Variants in EIF2AK4 observed in about 807,000 individuals in gnomAD.
EIF2AK4 encodes the protein eukaryotic translation initiation factor 2 alpha kinase 4, also known as eIF-2-alpha kinase GCN2.
In EIF2AK4, 139 loss-of-function variants were observed where a neutral mutation model predicts 211.1. The observed-to-expected ratio is 0.66, with a 90% CI of 0.57 to 0.76. The LOEUF is 0.76. Ranked by LOEUF, EIF2AK4 falls within the 30% of genes least tolerant of loss-of-function variation. The pLI is 0.00. For synonymous variants in EIF2AK4, 710 were observed against 751.3 expected (o/e 0.94, Z 0.90); for missense variants, 1,664 against 2,043.8 (o/e 0.81, Z 3.58).
At position 39,941,141 on chromosome 15, in the gene EIF2AK4, C is replaced by T. The variant is rs114461460; in HGVS notation, c.257+1524C>T. On this transcript the variant is annotated intron_variant, in intron 2 of 38. Transcript: ENST00000263791. ...AACCAAGAATCTCCCTGAACCCTGT[C>T]GTTTAGGGGTTTTTATGGAGGTTTC... Among the ~76,000 whole-genome samples the T allele has an allele frequency of 1.6e-3, 237 of 152,182 alleles. 2 individuals carry two copies. Among genetic ancestry groups the T allele is most frequent in the Middle Eastern group, 0.01 (3 of 294 alleles).
At chr15:39,962,801 A>C (rs1033619441) in intron 7 of EIF2AK4, among the ~76,000 whole-genome samples, 3 of 152,198 alleles carry the variant, frequency 2.0e-5, no homozygotes, top group African/African-American at 7.2e-5. Flanking sequence ...GCTCATACTA[A>C]AGTCAAGTTT....
At chr15:39,985,714 G>A (rs889847717) in intron 13 of EIF2AK4, 91 bp from the exon 14 acceptor site, 6 of 1,213,532 alleles carry the variant, frequency 4.9e-6, no homozygotes, top group Non-Finnish European at 7.2e-6. Flanking sequence ...GTGGCCCTGT[G>A]TTGGGGGTGG....
At chr15:40,006,678 T>C (rs945508744) in intron 23 of EIF2AK4, among the ~76,000 whole-genome samples, 9 of 152,306 alleles carry the variant, frequency 5.9e-5, no homozygotes, top group African/African-American at 2.2e-4. Context: ...TTTAAATTCA[T>C]AAATAAATAA....
chr15:39,949,376 G>A (rs2140902308), intron 4 of EIF2AK4, 108 bp downstream of exon 4: 1 of 1,465,618 alleles, frequency 6.8e-7, no homozygotes, highest in South Asian at 1.4e-5. Flanking sequence ...GTTTTGCTCA[G>A]CCTTTGATTC....
chr15:40,027,431 T>G (rs2035478662), intron 33 of EIF2AK4, among the ~76,000 whole-genome samples: 1 of 152,202 alleles, frequency 6.6e-6, no homozygotes, highest in African/African-American at 2.4e-5. Flanking sequence ...CCTTCAAGAT[T>G]CTCTAGACCA....
At chr15:39,944,114 A>G (rs1193633629) in intron 3 of EIF2AK4, among the ~76,000 whole-genome samples, 2 of 152,162 alleles carry the variant, frequency 1.3e-5, no homozygotes, top group Non-Finnish European at 2.9e-5. Flanking sequence ...CCCTTTGCAT[A>G]TCAGAGGAAT....
chr15:39,967,706 G>A lies in EIF2AK4; in HGVS notation c.1380G>A (p.Glu460=). ...LADICKEDVF[E]QTRVRFSDNA... is the part of the protein sequence containing the mutation. ...ACATTTGCAAGGAGGATGTGTTTGA[G>A]CAAACCCGAGTTCGTTTTAGTGACA... is the stretch of plus-strand genomic sequence containing the variant. Residue 460 remains glutamate (E), a synonymous_variant, in exon 9 of 39, where the codon GAG becomes GAA. Transcript: ENST00000263791. The A allele has an allele frequency of 2.5e-6, 4 of 1,614,202 alleles. No homozygotes were observed. Among genetic ancestry groups the A allele is most frequent in the Non-Finnish European group, 3.4e-6 (4 of 1,180,032 alleles).
intron 7 of EIF2AK4, 79 bp downstream of exon 7, chr15:39,961,978 T>C (rs2034479385): frequency 6.2e-6 from 7 of 1,129,700 alleles, no homozygotes; most frequent in Non-Finnish European, 9.3e-6. Flanking sequence ...GATTAGACAC[T>C]GTGTCATTCA....
chr15:39,977,261 G>A (rs1390565316), intron 12 of EIF2AK4: 1 of 161,632 alleles, frequency 6.2e-6, no homozygotes, highest in Non-Finnish European at 1.3e-5. Context: ...TTCCACAGAC[G>A]GGTGTTAGGG....
At chr15:39,988,351 G>A (rs2034895515) in intron 15 of EIF2AK4, among the ~76,000 whole-genome samples, 1 of 152,220 alleles carries the variant, frequency 6.6e-6, no homozygotes, top group Non-Finnish European at 1.5e-5. Context: ...TCAGCAAACT[G>A]TGGCCCACAG....
intron 27 of EIF2AK4, among the ~76,000 whole-genome samples, chr15:40,012,489 A>G (rs1032221109): frequency 2.6e-5 from 4 of 152,242 alleles, no homozygotes; most frequent in Admixed American, 2.0e-4. Flanking sequence ...ATGAAGGACA[A>G]TATACAGTAT....
intron 4 of EIF2AK4, among the ~76,000 whole-genome samples, chr15:39,949,974 A>G (rs1003765572): frequency 6.6e-6 from 1 of 151,988 alleles, no homozygotes; most frequent in African/African-American, 2.4e-5. Flanking sequence ...CAAAGATAAT[A>G]TATGCAACTA....
rs532554239 is a variant in EIF2AK4, at chr15:39,951,662, G to A, written c.514-2242G>A. 21 of 213,716 alleles carry A rather than the reference G, an allele frequency of 9.8e-5. No individual in the cohort carries two copies. The East Asian group carries it at 2.5e-3, about 26-fold the overall frequency. The allele number at this position is 213,716 out of a possible 1,614,324, so 13.2% of individuals were successfully genotyped here. On this transcript the variant is annotated intron_variant, in intron 4 of 38. Transcript: ENST00000263791. ...CCACAGTACCAGGCCTGAAATGATC[G>A]GTTTCTTCACTCCTCCAGTAGAAGG...
intron 33 of EIF2AK4, among the ~76,000 whole-genome samples, chr15:40,027,671 A>G (rs1410008076): frequency 6.6e-6 from 1 of 152,190 alleles, no homozygotes; most frequent in Admixed American, 6.5e-5. Context: ...AGGGGGGATC[A>G]TGAGGTCAGG....
At chr15:39,968,891 T>TATATATATATATAC (rs139536340) in intron 9 of EIF2AK4, among the ~76,000 whole-genome samples, 104 of 149,212 alleles carry the variant, frequency 7.0e-4, no homozygotes, top group African/African-American at 2.5e-3. Flanking sequence ...TATATATATA[T>TATATATATATATAC]ACACACACAT....
chr15:40,007,903 C>G (rs2035182531), intron 24 of EIF2AK4, 124 bp from the exon 25 acceptor site: 4 of 712,412 alleles, frequency 5.6e-6, no homozygotes, highest in Non-Finnish European at 8.5e-6. Context: ...GTCTTTCAGT[C>G]CTCTTGATCA....
At chr15:40,007,946 C>T (rs1259522860) in intron 24 of EIF2AK4, 81 bp from the exon 25 acceptor site, 3 of 1,147,620 alleles carry the variant, frequency 2.6e-6, no homozygotes, top group Admixed American at 5.7e-5. Flanking sequence ...ATATTTGTTT[C>T]TTATATCTTG....
At chr15:39,971,736 A>T (rs2034628258) in intron 9 of EIF2AK4, among the ~76,000 whole-genome samples, 2 of 150,630 alleles carry the variant, frequency 1.3e-5, no homozygotes, top group African/African-American at 4.9e-5. Flanking sequence ...AATTAAAATT[A>T]AAAAAAAAGG....
At position 39,993,197 on chromosome 15, in the gene EIF2AK4, C is replaced by T. The variant is rs1216344874; in HGVS notation, c.2766+349C>T. On this transcript the variant is annotated intron_variant, in intron 18 of 38. Coordinates refer to ENST00000263791, the MANE Select transcript of EIF2AK4 (RefSeq NM_001013703.4). ...CCATCCATCCACTCGTCCATCCGTC[C>T]GTCCGTCCATCCATCCATCCATCCA... Among the ~76,000 whole-genome samples, 8 of 151,838 alleles carry T rather than the reference C, an allele frequency of 5.3e-5. No individual in the cohort carries two copies. In the East Asian group the frequency reaches 7.7e-4, roughly 15 times the overall value.
Sources: gnomAD v4.1 joint callset for allele counts (sites outside exome capture counted in the v4.1 genomes callset) on GRCh38, gnomAD v4.1.1 for gene constraint, MANE v1.5 for transcripts, NCBI Gene and HGNC (gene_info 2026-07-23, HGNC 2026-07-21) for gene names.